Variants in TSPAN7 observed in about 807,000 individuals in gnomAD.
TSPAN7 encodes tetraspanin 7, also known as tetraspanin-7.
A neutral mutation model predicts 17.6 loss-of-function variants in TSPAN7; 1 was observed. That is an observed-to-expected ratio of 0.06 (90% confidence interval 0.02 to 0.27). The LOEUF (loss-of-function observed/expected upper bound fraction) is 0.27. TSPAN7 is among the 10% of genes least tolerant of loss of function. The pLI, the probability that TSPAN7 is intolerant of heterozygous loss-of-function variation, is 1.00. For missense variants in TSPAN7, 112 were observed against 201.7 expected (o/e 0.56, Z 2.69); for synonymous variants, 78 against 79.0 (o/e 0.99, Z 0.07).
At chrX:38,604,592 G>A (rs1281771408) in intron 1 of TSPAN7, among the ~76,000 whole-genome samples, 2 of 111,165 alleles carry the variant, frequency 1.8e-5, no homozygotes, top group Non-Finnish European at 3.8e-5. Flanking sequence ...TCTCATTGTG[G>A]TTTTGATTTG....
At chrX:38,646,083 C>T (rs1398657718) in intron 1 of TSPAN7, among the ~76,000 whole-genome samples, 1 of 110,889 alleles carries the variant, frequency 9.0e-6, no homozygotes, top group African/African-American at 3.3e-5. Flanking sequence ...AAATTCCAGA[C>T]TTATTGGTCA....
chrX:38,572,706 C>A (rs1409946628), intron 1 of TSPAN7, among the ~76,000 whole-genome samples: 1 of 111,185 alleles, frequency 9.0e-6, no homozygotes, highest in Non-Finnish European at 1.9e-5. Flanking sequence ...CAAAGGTAGA[C>A]CCCTTTGGGG....
intron 2 of TSPAN7, among the ~76,000 whole-genome samples, chrX:38,669,831 T>C: frequency 8.9e-6 from 1 of 112,289 alleles, no homozygotes; most frequent in Non-Finnish European, 1.9e-5. Flanking sequence ...ACTACAGAGA[T>C]AAATGCCCTT....
Position 38,666,157 on chromosome X carries a change from G to A in TSPAN7, c.118G>A (p.Gly40Ser). 1 of 1,210,714 alleles carries A rather than the reference G, an allele frequency of 8.3e-7. No homozygotes were observed. The highest frequency in any genetic ancestry group is 1.8e-5 in the South Asian group (1 of 56,905). ...GVILLAVGVWGKLTLGTYISL... is the reference protein window; with the variant it reads ...GVILLAVGVWSKLTLGTYISL... ...GATCCTGCTGGCTGTTGGAGTCTGG[G>A]GCAAACTTACTCTGGGCACCTATAT... The change falls in exon 2 of 8, where the codon GGC becomes AGC. Residue 40 changes from glycine (G) to serine (S), a missense_variant. Transcript: ENST00000378482.
chrX:38,683,083 T>C (rs1165637890), intron 6 of TSPAN7, among the ~76,000 whole-genome samples: 1 of 112,072 alleles, frequency 8.9e-6, no homozygotes, highest in African/African-American at 3.2e-5. Flanking sequence ...ATTATGCTGA[T>C]ACTGTACATT....
At position 38,688,717 on chromosome X, in the gene TSPAN7, C is replaced by T. The variant is rs1445474649; in HGVS notation, c.*786C>T. 1 of 112,451 alleles carries T rather than the reference C, an allele frequency of 8.9e-6. No individual in the cohort carries two copies. Among genetic ancestry groups the T allele is most frequent in the African/African-American group, 3.2e-5 (1 of 30,876 alleles). 9.3% of individuals were successfully genotyped at this position (112,451 alleles called of 1,213,427 possible). On this transcript the variant is annotated 3_prime_UTR_variant, in exon 8 of 8. Coordinates refer to ENST00000378482, the MANE Select transcript of TSPAN7 (RefSeq NM_004615.4). ...GCTATTGTGTTATTTTACTACTTCT[C>T]TCTGTATTTTTTCTTGCATTGACAT...
intron 1 of TSPAN7, among the ~76,000 whole-genome samples, chrX:38,637,610 C>G (rs1315085933): frequency 8.9e-6 from 1 of 112,093 alleles, no homozygotes; most frequent in African/African-American, 3.2e-5. Flanking sequence ...GAGAGTAAGC[C>G]CCTGCTGATA....
At chrX:38,646,404 C>T in intron 1 of TSPAN7, 2 of 845,662 alleles carry the variant, frequency 2.4e-6, no homozygotes, top group South Asian at 6.0e-5. Flanking sequence ...TTTACTCTCC[C>T]TGAAGTGGCA....
In TSPAN7 at chrX:38,561,648, G is replaced by T. The variant is rs1397643122; in HGVS notation, c.81+21G>T. On this transcript the variant is annotated intron_variant, in intron 1 of 7. Coordinates refer to ENST00000378482, the MANE Select transcript of TSPAN7 (RefSeq NM_004615.4). ...TCTGGGTAAGTGCCCACGCCGGGCCGGTGGCCGAGTCGCTGTCCATCGGTC... is the reference window on the plus strand; with the variant it reads ...TCTGGGTAAGTGCCCACGCCGGGCCTGTGGCCGAGTCGCTGTCCATCGGTC... 4.3e-6 allele frequency: 5 copies of T among 1,170,086 alleles called. 1 individual carries two copies. Among genetic ancestry groups the T allele is most frequent in the Middle Eastern group, 2.3e-4 (1 of 4,268 alleles).
At chrX:38,591,087 CT>C (rs1279811020) in intron 1 of TSPAN7, among the ~76,000 whole-genome samples, 2 of 110,178 alleles carry the variant, frequency 1.8e-5, no homozygotes, top group Non-Finnish European at 3.8e-5. Flanking sequence ...TCAGTTTTCT[CT>C]TTTTTTTCTG....
intron 1 of TSPAN7, among the ~76,000 whole-genome samples, chrX:38,606,576 A>T (rs1014681798): frequency 3.6e-5 from 4 of 110,929 alleles, no homozygotes; most frequent in African/African-American, 1.3e-4. Flanking sequence ...TTGTCTTGGG[A>T]TCCTGAATCT....
At chrX:38,597,310 A>G (rs777053507) in intron 1 of TSPAN7, among the ~76,000 whole-genome samples, 10 of 110,598 alleles carry the variant, frequency 9.0e-5, no homozygotes, top group Admixed American at 2.9e-4. Context: ...CATACTATAA[A>G]CAAGTATTTT....
chrX:38,637,281 G>C (rs1258229793), intron 1 of TSPAN7, among the ~76,000 whole-genome samples: 2 of 111,875 alleles, frequency 1.8e-5, no homozygotes, highest in Non-Finnish European at 3.8e-5. Context: ...ATGTTCCCAT[G>C]AATACAGTTA....
intron 1 of TSPAN7, among the ~76,000 whole-genome samples, chrX:38,662,163 A>G (rs898737575): frequency 9.0e-6 from 1 of 111,365 alleles, no homozygotes; most frequent in Non-Finnish European, 1.9e-5. Flanking sequence ...ACCAACCACT[A>G]CTACCACCAC....
At chrX:38,673,413 G>A (rs924675322) in intron 3 of TSPAN7, among the ~76,000 whole-genome samples, 1 of 103,887 alleles carries the variant, frequency 9.6e-6, no homozygotes, top group Non-Finnish European at 2.0e-5. Context: ...TGTTGCCAAG[G>A]CTGGAGTGCT....
chrX:38,639,613 T>C (rs1049578004), intron 1 of TSPAN7, among the ~76,000 whole-genome samples: 2 of 106,236 alleles, frequency 1.9e-5, no homozygotes, highest in Non-Finnish European at 3.9e-5. Context: ...TGTCTCTCTC[T>C]TGGCACATCA....
At chrX:38,598,070 T>A (rs1353585843) in intron 1 of TSPAN7, among the ~76,000 whole-genome samples, 2 of 111,486 alleles carry the variant, frequency 1.8e-5, no homozygotes, top group East Asian at 2.8e-4. Flanking sequence ...TGAGTCTGTG[T>A]CTTCTTTTTG....
At position 38,658,736 on chromosome X, in the gene TSPAN7, C is replaced by T. The variant is rs371892554; in HGVS notation, c.82-7385C>T. 1.3e-4 allele frequency among the ~76,000 whole-genome samples: 15 copies of T among 111,181 alleles called. 1 individual carries two copies. The East Asian group carries it at 2.3e-3, about 17-fold the overall frequency. On this transcript the variant is annotated intron_variant, in intron 1 of 7. Coordinates refer to ENST00000378482, the MANE Select transcript of TSPAN7 (RefSeq NM_004615.4). The stretch of plus-strand genomic sequence containing the variant: ...TGTCACTTCTGGCCTCAGCCCTCAC[C>T]TGCAGCTCTGACTTACTCCTAAATT...
rs781389465 is a variant in TSPAN7, at chrX:38,671,363, G to A, written c.271-13G>A. The A allele has an allele frequency of 1.1e-5, 13 of 1,208,152 alleles. No homozygotes were observed. Among genetic ancestry groups the A allele is most frequent in the Non-Finnish European group, 4.5e-6 (4 of 893,450 alleles). On this transcript the variant is annotated splice_polypyrimidine_tract_variant and intron_variant, in intron 2 of 7. Transcript: ENST00000378482. ...GATGTATCTGACTTTGTCTTTGTGT[G>A]CTTAATTTTCAGTATGCCATGTTTC...
Sources: allele counts gnomAD v4.1 joint callset (sites outside exome capture counted in the v4.1 genomes callset), GRCh38; gene constraint gnomAD v4.1.1; transcripts MANE v1.5; gene names NCBI Gene and HGNC (gene_info 2026-07-23, HGNC 2026-07-21).